SH2B1: variants seen among roughly 807,000 people sequenced by gnomAD.
The protein encoded by SH2B1 is SH2B adaptor protein 1.
In SH2B1, 15 loss-of-function variants were observed where a neutral mutation model predicts 62.6. The observed-to-expected ratio is 0.24, with a 90% CI of 0.16 to 0.37. The LOEUF is 0.37. SH2B1 is among the 10% of genes least tolerant of loss of function. SH2B1 has a pLI of 1.00. For synonymous variants in SH2B1, 443 were observed against 438.0 expected, an observed-to-expected ratio of 1.01 and a Z score of -0.14; for missense variants, 925 against 1,015.6, an observed-to-expected ratio of 0.91 and a Z score of 1.21.
rs764047060 is a variant in SH2B1, at chr16:28,872,811, C to G, written c.1897+106C>G. 6.9e-7 allele frequency: 1 copy of G among 1,456,338 alleles called. No homozygotes were observed. The highest frequency in any genetic ancestry group is 1.2e-5 in the South Asian group (1 of 83,632). 90.2% of individuals were successfully genotyped at this position (1,456,338 alleles called of 1,614,324 possible). On this transcript the variant is annotated intron_variant, in intron 7 of 7. Transcript: ENST00000684370. This position sits in a 1 kb window ranked among gnomAD's most constrained non-coding sequence, Gnocchi z 5.3. ...GAGGGGGGACTATCACAAGGAGAAG[C>G]TTTGCTTGGGAGAGCAGGGTAGAGG...
chr16:28,855,376 C>T (rs1002561302), intron 1 of SH2B1, among the ~76,000 whole-genome samples: 4 of 151,796 alleles, frequency 2.6e-5, no homozygotes, highest in Admixed American at 6.6e-5. Flanking sequence ...AGTGCCACCA[C>T]ACCCGACTAA....
At chr16:28,870,781 T>G (rs1474379048) in intron 4 of SH2B1, among the ~76,000 whole-genome samples, 1 of 152,104 alleles carries the variant, frequency 6.6e-6, no homozygotes, top group Non-Finnish European at 1.5e-5. Flanking sequence ...CCTCCCTGGC[T>G]CAAGCCATCT....
upstream of SH2B1, chr16:28,862,212 A>G (rs1268218103): frequency 6.6e-6 from 1 of 152,308 alleles, no homozygotes; most frequent in African/African-American, 2.4e-5. Flanking sequence ...CGATTTCTCT[A>G]ACTGGCCTTG....
intron 1 of SH2B1, among the ~76,000 whole-genome samples, chr16:28,849,755 C>T (rs1244774456): frequency 6.6e-6 from 1 of 151,614 alleles, no homozygotes; most frequent in Admixed American, 6.6e-5. Flanking sequence ...GGTGAAATCC[C>T]GTCTTTACTA....
At chr16:28,854,808 C>A (rs1424410080) in intron 1 of SH2B1, among the ~76,000 whole-genome samples, 1 of 152,172 alleles carries the variant, frequency 6.6e-6, no homozygotes, top group Non-Finnish European at 1.5e-5. Flanking sequence ...ACAAGGCCTG[C>A]ATAATCTGGC....
At position 28,872,270 on chromosome 16, in the gene SH2B1, C is replaced by G; in HGVS notation, c.1594C>G (p.Leu532Val). Residue 532 changes from leucine (L) to valine (V), a missense_variant, in exon 6 of 8, where the codon CTC becomes GTC. Physicochemically the swap from Leu to Val is conservative, Grantham distance 32 (BLOSUM62 1). Transcript: ENST00000684370. The surrounding 1 kb of genome is among the most constrained non-coding windows in gnomAD (Gnocchi z 5.3). Reference sequence around the variant, plus strand: ...AGGGTATCCTTGGTTCCACGGGATGCTCTCTCGGCTCAAGGCTGCACAGTT... The same window carrying G: ...AGGGTATCCTTGGTTCCACGGGATGGTCTCTCGGCTCAAGGCTGCACAGTT... ...LSGYPWFHGM[L>V]SRLKAAQLVL... 1 of 1,614,090 alleles carries G rather than the reference C, an allele frequency of 6.2e-7. No individual in the cohort carries two copies. The highest frequency in any genetic ancestry group is 8.5e-7 in the Non-Finnish European group (1 of 1,179,946).
rs1353974787 is a variant in SH2B1, at chr16:28,872,986, G to C, written c.1897+281G>C. 1 of 638,118 alleles carries C rather than the reference G, an allele frequency of 1.6e-6. No homozygotes were observed. Among genetic ancestry groups the C allele is most frequent in the East Asian group, 2.7e-5 (1 of 36,666 alleles). The allele number at this position is 638,118 out of a possible 1,614,324, so 39.5% of individuals were successfully genotyped here. ...GGATCCTCTGTTCCATTGTCTGTCT[G>C]TCTCCTGGACCCATCCTGGCCTCGT... On this transcript the variant is annotated intron_variant, in intron 7 of 7. Transcript: ENST00000684370. The surrounding 1 kb of genome is among the most constrained non-coding windows in gnomAD (Gnocchi z 5.3).
At position 28,864,689 on chromosome 16, in the gene SH2B1, G is replaced by A. The variant is rs1962589424; in HGVS notation, c.-1406G>A. ...CTGTCACCTTCCAGTATTGCGTGGC[G>A]GGAGGAGCGCTAACAAGAGCCAAGG... On this transcript the variant is annotated 5_prime_UTR_variant, in exon 1 of 8. Transcript: ENST00000684370. The A allele has an allele frequency of 1.0e-6, 1 of 984,348 alleles. No homozygotes were observed. Among genetic ancestry groups the A allele is most frequent in the African/African-American group, 1.7e-5 (1 of 57,148 alleles). The allele number at this position is 984,348 out of a possible 1,614,324, so 61.0% of individuals were successfully genotyped here.
At chr16:28,848,368 G>T (rs945281055) in intron 1 of SH2B1, among the ~76,000 whole-genome samples, 1 of 151,992 alleles carries the variant, frequency 6.6e-6, no homozygotes, top group African/African-American at 2.4e-5. Context: ...CACCCGGGAG[G>T]CGGAGCTTGC....
chr16:28,853,951 A>C (rs1006557167), intron 1 of SH2B1, among the ~76,000 whole-genome samples: 2 of 144,062 alleles, frequency 1.4e-5, no homozygotes, highest in Non-Finnish European at 3.0e-5. Context: ...GCAGTGAGCC[A>C]AGATCGCACC....
At chr16:28,868,760 C>A (rs944126807) in intron 2 of SH2B1, among the ~76,000 whole-genome samples, 2 of 151,492 alleles carry the variant, frequency 1.3e-5, no homozygotes, top group African/African-American at 2.4e-5. Flanking sequence ...CCGGCCTCGC[C>A]TTATTTTATT....
At chr16:28,871,001 G>A (rs894065183) in intron 4 of SH2B1, among the ~76,000 whole-genome samples, 9 of 148,466 alleles carry the variant, frequency 6.1e-5, no homozygotes, top group Non-Finnish European at 1.3e-4. Context: ...TTCCGTGTGT[G>A]TGTGTGTGTG....
intron 2 of SH2B1, 113 bp from the exon 3 acceptor site, chr16:28,868,893 A>G (rs1438651026): frequency 4.8e-6 from 4 of 836,094 alleles, no homozygotes; most frequent in East Asian, 4.9e-5. Flanking sequence ...GCCTCCAGAG[A>G]GAATTCGAAT....
At chr16:28,867,958 A>G (rs1962816695) in intron 2 of SH2B1, among the ~76,000 whole-genome samples, 1 of 151,630 alleles carries the variant, frequency 6.6e-6, no homozygotes, top group Non-Finnish European at 1.5e-5. Context: ...CCTCCTGAGT[A>G]GTTGGGATTA....
chr16:28,870,032 G>A (rs1356325049), intron 4 of SH2B1, among the ~76,000 whole-genome samples: 2 of 152,188 alleles, frequency 1.3e-5, no homozygotes. Flanking sequence ...CTAAGACCAG[G>A]GAGAGGACAC....
Position 28,865,484 on chromosome 16 carries a change from G to A in SH2B1, c.-611G>A, listed in dbSNP as rs765374530. On this transcript the variant is annotated 5_prime_UTR_variant, in exon 1 of 8. Transcript: ENST00000684370. ...CCCCTGCGAGCTGGGGCGGTGAGGT[G>A]CTATGGCTGAGGCTGGCCCAGCCGG... is the stretch of plus-strand genomic sequence containing the variant. The A allele has an allele frequency of 6.7e-5, 66 of 985,538 alleles. No individual in the cohort carries two copies. Among genetic ancestry groups the A allele is most frequent in the Non-Finnish European group, 7.6e-5 (63 of 829,992 alleles). The allele number at this position is 985,538 out of a possible 1,614,324, so 61.0% of individuals were successfully genotyped here.
At chr16:28,868,485 A>G (rs1029536853) in intron 2 of SH2B1, among the ~76,000 whole-genome samples, 2 of 150,448 alleles carry the variant, frequency 1.3e-5, no homozygotes, top group African/African-American at 4.9e-5. Flanking sequence ...TTGAGACGGC[A>G]TTTTACTCTG....
At position 28,873,681 on chromosome 16, in the gene SH2B1, G is replaced by T; in HGVS notation, c.2132G>T (p.Gly711Val). The change falls in exon 8 of 8, where the codon GGC becomes GTC. Residue 711 changes from glycine (G) to valine (V), a missense_variant. Coordinates refer to ENST00000684370, the MANE Select transcript of SH2B1 (RefSeq NM_001387430.1). This position sits in a 1 kb window ranked among gnomAD's most constrained non-coding sequence, Gnocchi z 4.2. ...GAATTGGAAGAGGCCATAGCCCCAG[G>T]CTCAGAGGCCCAGGGCGCTGGGTCT... is the stretch of plus-strand genomic sequence containing the variant. ...VVELEEAIAP[G>V]SEAQGAGSGG... 6.6e-7 allele frequency: 1 copy of T among 1,521,528 alleles called. No individual in the cohort carries two copies. The highest frequency in any genetic ancestry group is 8.8e-7 in the Non-Finnish European group (1 of 1,132,260). The allele number at this position is 1,521,528 out of a possible 1,614,324, so 94.3% of individuals were successfully genotyped here. A position where few individuals can be genotyped will look rare whatever the true frequency, so the allele number is the denominator to read the frequency against.
In SH2B1 at chr16:28,872,788, G is replaced by C. The variant is rs1024189574; in HGVS notation, c.1897+83G>C. 1.6e-5 allele frequency: 25 copies of C among 1,533,730 alleles called. No homozygotes were observed. Among genetic ancestry groups the C allele is most frequent in the Non-Finnish European group, 2.2e-5 (25 of 1,120,488 alleles). On this transcript the variant is annotated intron_variant, in intron 7 of 7. Transcript: ENST00000684370. The surrounding 1 kb of genome is among the most constrained non-coding windows in gnomAD (Gnocchi z 5.3). ...GTGTGCCAGAAAGATGGGGCGGGGAGGGGGGACTATCACAAGGAGAAGCTT... is the reference window on the plus strand; with the variant it reads ...GTGTGCCAGAAAGATGGGGCGGGGACGGGGGACTATCACAAGGAGAAGCTT...
Sources: gnomAD v4.1 joint callset for allele counts (sites outside exome capture counted in the v4.1 genomes callset) on GRCh38, gnomAD v4.1.1 for gene constraint, Gnocchi (gnomAD v3.1) non-coding constraint, MANE v1.5 for transcripts, NCBI Gene and HGNC (gene_info 2026-07-23, HGNC 2026-07-21) for gene names.